The following POU2F2 variants were observed in gnomAD, a reference collection of about 807,000 sequenced individuals.
POU2F2 encodes the protein POU domain, class 2, transcription factor 2.
POU2F2 carries 14 observed loss-of-function variants against 63.5 expected under a neutral mutation model. That is an observed-to-expected ratio of 0.22 (90% CI 0.15 to 0.34). The LOEUF (loss-of-function observed/expected upper bound fraction) is 0.34, where lower values mean the gene tolerates loss of function less well. Ranked by LOEUF, POU2F2 falls within the 10% of genes least tolerant of loss-of-function variation. The probability of loss-of-function intolerance (pLI) is 1.00; values close to 1 mark genes in which losing one functional copy is unlikely to be tolerated. For missense variants in POU2F2, 607 were observed against 815.2 expected, an observed-to-expected ratio of 0.74 and a Z score of 3.11; for synonymous variants, 306 against 348.6, an observed-to-expected ratio of 0.88 and a Z score of 1.36.
At chr19:42,097,579 G>A (rs1238849111) in intron 7 of POU2F2, among the ~76,000 whole-genome samples, 1 of 151,648 alleles carries the variant, frequency 6.6e-6, no homozygotes, top group African/African-American at 2.4e-5. Flanking sequence ...GGAAGCCAAA[G>A]TGGGAGGATC....
chr19:42,185,106 A>G (rs1298936025), intron 1 of POU2F2, among the ~76,000 whole-genome samples: 4 of 152,064 alleles, frequency 2.6e-5, no homozygotes, highest in East Asian at 1.9e-4. Flanking sequence ...CATCCAGTTC[A>G]TTTACTTCAT....
intron 2 of POU2F2, among the ~76,000 whole-genome samples, chr19:42,143,673 T>C (rs145618853): frequency 2.7e-4 from 41 of 152,068 alleles, no homozygotes; most frequent in African/African-American, 8.4e-4. Flanking sequence ...CCCCACCCCC[T>C]TCACTCACTT....
chr19:42,122,318 C>G (rs1326680473), intron 3 of POU2F2, 26 bp downstream of exon 3: 1 of 1,599,006 alleles, frequency 6.3e-7, no homozygotes, highest in Non-Finnish European at 8.6e-7. Context: ...TTCCCACCCC[C>G]TCCCGCTTAT....
At position 42,117,316 on chromosome 19, in the gene POU2F2, G is replaced by A; in HGVS notation, c.303C>T (p.Pro101=). The part of the protein sequence containing the change: ...SGDSAPAAPL[P]PQPAQPHLPQ... ...GCAGATGAGGCTGGGCCGGCTGAGG[G>A]GGCAGGGGTGCTGCTGGGGCTGAAT... Residue 101 remains proline, a synonymous_variant, in exon 5 of 15, where the codon CCC becomes CCT. Coordinates refer to ENST00000692977, the MANE Select transcript of POU2F2 (RefSeq NM_001394376.1). The surrounding 1 kb of genome is among the most constrained non-coding windows in gnomAD (Gnocchi z 4.4). 1.3e-6 allele frequency: 2 copies of A among 1,524,896 alleles called. No homozygotes were observed. Among genetic ancestry groups the A allele is most frequent in the Non-Finnish European group, 1.7e-6 (2 of 1,147,354 alleles). The allele number at this position is 1,524,896 out of a possible 1,614,324, so 94.5% of individuals were successfully genotyped here. A position where few individuals can be genotyped will look rare whatever the true frequency, so the allele number is the denominator to read the frequency against.
intron 5 of POU2F2, among the ~76,000 whole-genome samples, chr19:42,105,361 A>G (rs1190602493): frequency 6.6e-6 from 1 of 152,162 alleles, no homozygotes; most frequent in Admixed American, 6.5e-5. Context: ...CCTAACTCAT[A>G]TCGGAACCTG....
chr19:42,110,095 T>TA (rs1014291735), intron 5 of POU2F2, among the ~76,000 whole-genome samples: 2 of 138,882 alleles, frequency 1.4e-5, no homozygotes, highest in Admixed American at 1.4e-4. Context: ...ATCTCCACAA[T>TA]TTTTTTTTTT....
chr19:42,098,915 C>T (rs1214987594), intron 7 of POU2F2, among the ~76,000 whole-genome samples: 2 of 152,184 alleles, frequency 1.3e-5, no homozygotes, highest in East Asian at 3.9e-4. Flanking sequence ...TCTAAGGGGC[C>T]TCTGCTCCTG....
intron 4 of POU2F2, among the ~76,000 whole-genome samples, chr19:42,119,036 C>A (rs146365877): frequency 2.0e-5 from 3 of 151,734 alleles, no homozygotes; most frequent in African/African-American, 7.3e-5. Context: ...TGCCTGTAAT[C>A]GCAGCATTTT....
At chr19:42,195,077 GGGAGGGAGGAAGGGAGGAA>G (rs2035123011) in intron 1 of POU2F2, among the ~76,000 whole-genome samples, 1 of 5,420 alleles carries the variant, frequency 1.8e-4, no homozygotes, top group African/African-American at 6.5e-4. Flanking sequence ...GAGGAAGGAA[GGGAGGGAGGAAGGGAGGAA>G]GGAAGGGAGG....
rs190816583 is a variant in POU2F2 at position 42,187,144 on chromosome 19, G to C, written c.-70+9239C>G. On this transcript the variant is annotated intron_variant, in intron 1 of 5. Transcript: ENST00000532176. ...TGTGAAGAGCTCTAAGCCCAGAAAAGAGCCCAGGAGAAGTGCCACATTTCA... is the reference window on the plus strand; with the variant it reads ...TGTGAAGAGCTCTAAGCCCAGAAAACAGCCCAGGAGAAGTGCCACATTTCA... Among the ~76,000 whole-genome samples, 510 of 152,200 alleles carry C rather than the reference G, an allele frequency of 3.4e-3. 5 individuals are homozygous for C. Among genetic ancestry groups the C allele is most frequent in the African/African-American group, 0.012 (494 of 41,522 alleles).
At chr19:42,164,830 C>T (rs555594768) in intron 1 of POU2F2, among the ~76,000 whole-genome samples, 44 of 151,642 alleles carry the variant, frequency 2.9e-4, no homozygotes, top group African/African-American at 9.4e-4. Flanking sequence ...GGTGTGGTGG[C>T]GCATACCTAC....
upstream of POU2F2, chr19:42,136,732 C>T (rs1333913536): frequency 6.6e-6 from 1 of 152,318 alleles, no homozygotes; most frequent in East Asian, 1.9e-4. Context: ...GCTCCCCATC[C>T]TTCAGGAGAC....
intron 1 of POU2F2, among the ~76,000 whole-genome samples, chr19:42,195,386 G>T (rs1438292259): frequency 1.5e-5 from 2 of 134,086 alleles, no homozygotes; most frequent in East Asian, 4.7e-4. Context: ...AGGCTGGAGT[G>T]CAGTGGCGCA....
chr19:42,170,812 GC>G (rs2034747654), intron 1 of POU2F2, among the ~76,000 whole-genome samples: 1 of 152,260 alleles, frequency 6.6e-6, no homozygotes, highest in East Asian at 1.9e-4. Flanking sequence ...GCCGGATCTG[GC>G]CCTTTCCCCG....
intron 2 of POU2F2, among the ~76,000 whole-genome samples, chr19:42,150,778 G>A (rs1399999026): frequency 2.0e-5 from 3 of 151,450 alleles, no homozygotes; most frequent in South Asian, 2.1e-4. Context: ...TTTAAAACTC[G>A]CTGCACTCCC....
chr19:42,110,609 T>A (rs1000153127), intron 5 of POU2F2: 69 of 401,826 alleles, frequency 1.7e-4, no homozygotes, highest in African/African-American at 1.4e-3. Flanking sequence ...TCCTTAACTG[T>A]ACAGGATCAC....
At chr19:42,180,132 C>CCA, upstream of POU2F2, among the ~76,000 whole-genome samples, 1 of 152,060 alleles carries the variant, frequency 6.6e-6, no homozygotes, top group South Asian at 2.1e-4. Flanking sequence ...CCATAGCCAC[C>CCA]TACCAACCAG....
chr19:42,122,009 C>A (rs569859444), intron 4 of POU2F2, 117 bp downstream of exon 4: 102 of 1,111,354 alleles, frequency 9.2e-5, no homozygotes, highest in Non-Finnish European at 5.1e-5. Context: ...GCGGGAGGAA[C>A]CTCGTTACCA....
At chr19:42,102,693 A>T (rs2077191799) in intron 5 of POU2F2, among the ~76,000 whole-genome samples, 1 of 151,464 alleles carries the variant, frequency 6.6e-6, no homozygotes, top group Non-Finnish European at 1.5e-5. Context: ...GGGAAAAAAA[A>T]TCCAATCCTC....
Sources: gnomAD v4.1 joint callset for allele counts (sites outside exome capture counted in the v4.1 genomes callset) on GRCh38, gnomAD v4.1.1 for gene constraint, Gnocchi (gnomAD v3.1) non-coding constraint, MANE v1.5 for transcripts, NCBI Gene and HGNC (gene_info 2026-07-23, HGNC 2026-07-21) for gene names.